The following ABAT variants were observed in gnomAD, a reference collection of about 807,000 sequenced individuals.
ABAT encodes the protein 4-aminobutyrate aminotransferase, mitochondrial.
Under a neutral mutation model 64.6 loss-of-function variants are expected in ABAT, and 45 were observed. The ratio of observed to expected loss-of-function variants is 0.70; its 90% CI spans 0.55 to 0.89. The LOEUF (loss-of-function observed/expected upper bound fraction) is 0.89. Ranked by LOEUF, ABAT falls within the 40% of genes least tolerant of loss-of-function variation. ABAT has a pLI of 0.00. For missense variants in ABAT, 633 were observed against 658.4 expected (o/e 0.96, Z 0.42); for synonymous variants, 297 against 250.5 (o/e 1.19, Z -1.75).
At chr16:8,762,512 T>C (rs2059826537) in intron 6 of ABAT, among the ~76,000 whole-genome samples, 1 of 152,232 alleles carries the variant, frequency 6.6e-6, no homozygotes, top group Non-Finnish European at 1.5e-5. Flanking sequence ...GCCAATTATC[T>C]TCATGCTGTA....
At position 8,764,847 on chromosome 16, in the gene ABAT, A is replaced by G. The variant is rs774289583; in HGVS notation, c.540+17A>G. ...TGGTACCGGGTGAGGTTTGGGGCAC[A>G]CACACACACACACACACAGGCTCCC... On this transcript the variant is annotated intron_variant, in intron 8 of 15. Coordinates refer to ENST00000268251, the MANE Select transcript of ABAT (RefSeq NM_020686.6). The surrounding 1 kb of genome is among the most constrained non-coding windows in gnomAD (Gnocchi z 4.2). The G allele has an allele frequency of 7.8e-6, 11 of 1,419,046 alleles. No individual in the cohort carries two copies. Among genetic ancestry groups the G allele is most frequent in the African/African-American group, 4.3e-5 (3 of 69,448 alleles). The allele number at this position is 1,419,046 out of a possible 1,614,324, so 87.9% of individuals were successfully genotyped here.
At chr16:8,757,121 A>C in intron 5 of ABAT, 1 of 454,130 alleles carries the variant, frequency 2.2e-6, no homozygotes, top group South Asian at 1.6e-5. Flanking sequence ...GTTGAACCAC[A>C]CTCCCCAGCC....
chr16:8,676,883 T>C (rs907487867), intron 1 of ABAT, among the ~76,000 whole-genome samples: 1 of 152,168 alleles, frequency 6.6e-6, no homozygotes. Context: ...CCTGGGGCAT[T>C]GCATGGGAAA....
At chr16:8,707,141 C>T (rs2057964332) in intron 1 of ABAT, among the ~76,000 whole-genome samples, 1 of 152,096 alleles carries the variant, frequency 6.6e-6, no homozygotes, top group Admixed American at 6.6e-5. Context: ...TGACTCTCTC[C>T]CTGTGCTAGT....
chr16:8,768,299 G>C, intron 10 of ABAT, 43 bp downstream of exon 10: 1 of 1,595,442 alleles, frequency 6.3e-7, no homozygotes, highest in Non-Finnish European at 8.6e-7. Flanking sequence ...GTTTAGAATA[G>C]TAATAATAAC....
At chr16:8,771,025 G>A (rs552381538) in intron 11 of ABAT, among the ~76,000 whole-genome samples, 7 of 152,108 alleles carry the variant, frequency 4.6e-5, no homozygotes, top group Non-Finnish European at 8.8e-5. Context: ...ACCGGGCGCG[G>A]TGGCTCATGC....
At chr16:8,756,597 TAG>T (rs989641176) in intron 5 of ABAT, among the ~76,000 whole-genome samples, 1 of 152,216 alleles carries the variant, frequency 6.6e-6, no homozygotes, top group Non-Finnish European at 1.5e-5. Context: ...CTGCTTCTTC[TAG>T]AGAGATACTC....
intron 1 of ABAT, among the ~76,000 whole-genome samples, chr16:8,702,811 C>A (rs966962943): frequency 6.6e-6 from 1 of 152,134 alleles, no homozygotes; most frequent in African/African-American, 2.4e-5. Context: ...AAGGACTGCT[C>A]TGGCTCCTAT....
intron 11 of ABAT, 137 bp from the exon 12 acceptor site, chr16:8,772,643 C>T (rs2060146777): frequency 1.6e-6 from 2 of 1,215,906 alleles, no homozygotes; most frequent in Admixed American, 1.7e-5. Context: ...CTAACAGAGG[C>T]TTCACTGGTC....
Position 8,674,655 on chromosome 16 carries a change from T to A in ABAT, c.-98T>A, listed in dbSNP as rs1361988002. 6.6e-6 allele frequency: 1 copy of A among 152,180 alleles called. No individual in the cohort carries two copies. The highest frequency in any genetic ancestry group is 1.5e-5 in the Non-Finnish European group (1 of 68,052). 9.4% of individuals were successfully genotyped at this position (152,180 alleles called of 1,614,324 possible). ...GCGCTGCCGGAACTCGGGGCGCGCA[T>A]CCCGCAAGTCGGAACCCGGCGGATC... On this transcript the variant is annotated 5_prime_UTR_variant, in exon 1 of 16. Coordinates refer to ENST00000268251, the MANE Select transcript of ABAT (RefSeq NM_020686.6).
chr16:8,739,106 C>T (rs909406404), intron 2 of ABAT, among the ~76,000 whole-genome samples: 10 of 152,214 alleles, frequency 6.6e-5, no homozygotes, highest in African/African-American at 2.2e-4. Flanking sequence ...TGTTGGGCAC[C>T]TACTGCATGC....
intron 1 of ABAT, among the ~76,000 whole-genome samples, chr16:8,689,752 A>C (rs1567271504): frequency 2.0e-5 from 3 of 152,356 alleles, no homozygotes; most frequent in South Asian, 4.1e-4. Context: ...TGAAGGAATC[A>C]GAAGCAAGGG....
intron 6 of ABAT, among the ~76,000 whole-genome samples, chr16:8,759,774 G>T (rs2059743502): frequency 6.6e-6 from 1 of 152,114 alleles, no homozygotes; most frequent in African/African-American, 2.4e-5. Flanking sequence ...GAACTCCTGG[G>T]CTCAAGTAAT....
At chr16:8,771,675 G>A (rs1264520220) in intron 11 of ABAT, among the ~76,000 whole-genome samples, 3 of 151,978 alleles carry the variant, frequency 2.0e-5, no homozygotes, top group Non-Finnish European at 4.4e-5. Flanking sequence ...CACCATGGTA[G>A]CCAGGCTGGT....
intron 9 of ABAT, among the ~76,000 whole-genome samples, chr16:8,767,254 C>T (rs928742045): frequency 1.9e-4 from 29 of 152,344 alleles, no homozygotes; most frequent in Middle Eastern, 6.8e-3. Context: ...AGGGACAGGG[C>T]GTCCATGCAC....
chr16:8,694,575 A>C (rs1173380736), intron 1 of ABAT, among the ~76,000 whole-genome samples: 1 of 151,750 alleles, frequency 6.6e-6, no homozygotes, highest in African/African-American at 2.4e-5. Context: ...ATGGGGTCTC[A>C]CTATATCGCC....
chr16:8,772,246 C>CTG (rs1168244329), intron 11 of ABAT, among the ~76,000 whole-genome samples: 1 of 129,440 alleles, frequency 7.7e-6, no homozygotes, highest in African/African-American at 3.2e-5. Flanking sequence ...TATTTTCTCT[C>CTG]TGTCTCTGTG....
At chr16:8,743,465 TATATA>T (rs1296061727) in intron 2 of ABAT, among the ~76,000 whole-genome samples, 3 of 98,716 alleles carry the variant, frequency 3.0e-5, no homozygotes, top group South Asian at 3.1e-4. Context: ...TATAATATAT[TATATA>T]ATATATATTT....
At chr16:8,710,800 C>G (rs2058055101) in intron 1 of ABAT, among the ~76,000 whole-genome samples, 1 of 151,592 alleles carries the variant, frequency 6.6e-6, no homozygotes, top group South Asian at 2.1e-4. Flanking sequence ...TGTACCAACC[C>G]TCTGGATTCT....
Sources: allele counts gnomAD v4.1 joint callset (sites outside exome capture counted in the v4.1 genomes callset), GRCh38; gene constraint gnomAD v4.1.1; non-coding constraint Gnocchi (gnomAD v3.1); transcripts MANE v1.5; gene names NCBI Gene and HGNC (gene_info 2026-07-23, HGNC 2026-07-21).